CFAP46: variants seen among roughly 807,000 people sequenced by gnomAD.
The protein encoded by CFAP46 is cilia- and flagella-associated protein 46.
Under a neutral mutation model 325.7 loss-of-function variants are expected in CFAP46, and 245 were observed. The observed-to-expected ratio is 0.75, with a 90% CI of 0.68 to 0.84. The LOEUF is 0.84. CFAP46 is among the 40% of genes least tolerant of loss of function. The probability of loss-of-function intolerance (pLI) is 0.00; values close to 1 mark genes in which losing one functional copy is unlikely to be tolerated. For synonymous variants in CFAP46, 1,523 were observed against 1,495.9 expected (o/e 1.02, Z -0.42); for missense variants, 3,346 against 3,543.0 (o/e 0.94, Z 1.41).
At chr10:132,898,801 G>A (rs187111345) in intron 24 of CFAP46, 158 bp downstream of exon 24, 3 of 1,003,666 alleles carry the variant, frequency 3.0e-6, no homozygotes, top group South Asian at 1.4e-5. Flanking sequence ...CTGGGACTTG[G>A]AGACCCCCCT....
In CFAP46 at chr10:132,852,552, G is replaced by A. The variant is rs889980679; in HGVS notation, c.5575-1247C>T. On this transcript the variant is annotated intron_variant, in intron 39 of 57. Coordinates refer to ENST00000368586, the MANE Select transcript of CFAP46 (RefSeq NM_001200049.3). ...AGACATTCTCAGATCCTGACCCACA[G>A]ACGTGGTATGTTTCTCTATTTACTT... Among the ~76,000 whole-genome samples the A allele has an allele frequency of 2.0e-5, 3 of 152,138 alleles. No homozygotes were observed. The South Asian group carries it at 6.2e-4, about 32-fold the overall frequency.
In CFAP46 at chr10:132,827,629, TA is replaced by T. The variant is rs1848080084; in HGVS notation, c.7117+5728del. Among the ~76,000 whole-genome samples the T allele has an allele frequency of 2.0e-5, 3 of 152,116 alleles. No individual in the cohort carries two copies. The highest frequency in any genetic ancestry group is 2.0e-4 in the Admixed American group (3 of 15,286). On this transcript the variant is annotated intron_variant, in intron 50 of 57. Coordinates refer to ENST00000368586, the MANE Select transcript of CFAP46 (RefSeq NM_001200049.3). This position sits in a 1 kb window ranked among gnomAD's most constrained non-coding sequence, Gnocchi z 5.7. Reference sequence around the variant, plus strand: ...CTGACCACAGGGAGCTGCCTGCATTTAAAGTGAGCAACGTGACGGGACTGGA... The same window carrying T: ...CTGACCACAGGGAGCTGCCTGCATTTAAGTGAGCAACGTGACGGGACTGGA...
chr10:132,912,588 T>TTTCCC (rs59156892), intron 19 of CFAP46, 67 bp downstream of exon 19: 251 of 1,330,688 alleles, frequency 1.9e-4, no homozygotes, highest in Admixed American at 1.6e-3. Context: ...TCCTCTCCTC[T>TTTCCC]CTCTCTCTCC....
rs1848869045 is a variant in CFAP46, at chr10:132,869,627, C to T, written c.4512-255G>A. Reference sequence around the variant, plus strand: ...GGCATTATCTGTTGCCTCCTGGACGCCGTCCGAGGAGAAGAGGAGGCCCTC... The same window carrying T: ...GGCATTATCTGTTGCCTCCTGGACGTCGTCCGAGGAGAAGAGGAGGCCCTC... On this transcript the variant is annotated intron_variant, in intron 32 of 57. Coordinates refer to ENST00000368586, the MANE Select transcript of CFAP46 (RefSeq NM_001200049.3). This position sits in a 1 kb window ranked among gnomAD's most constrained non-coding sequence, Gnocchi z 6.2. Among the ~76,000 whole-genome samples, 1 of 152,172 alleles carries T rather than the reference C, an allele frequency of 6.6e-6. No homozygotes were observed. Among genetic ancestry groups the T allele is most frequent in the Non-Finnish European group, 1.5e-5 (1 of 68,028 alleles).
intron 50 of CFAP46, among the ~76,000 whole-genome samples, chr10:132,823,489 G>C (rs1847939714): frequency 7.7e-6 from 1 of 130,186 alleles, no homozygotes; most frequent in African/African-American, 3.0e-5. Flanking sequence ...TGTGTGCTGT[G>C]TGCTGATGTG....
At chr10:132,888,579 G>T (rs368655095) in intron 25 of CFAP46, among the ~76,000 whole-genome samples, 3 of 6,110 alleles carry the variant, frequency 4.9e-4, no homozygotes, top group South Asian at 7.7e-3. Context: ...CCTGCCGCCT[G>T]CACCCCTGCC....
chr10:132,919,214 C>A lies in CFAP46; in HGVS notation c.1858+101G>T, dbSNP rs552989639. 8.0e-6 allele frequency: 10 copies of A among 1,255,220 alleles called. No individual in the cohort carries two copies. Among genetic ancestry groups the A allele is most frequent in the South Asian group, 1.6e-5 (1 of 61,734 alleles). 77.8% of individuals were successfully genotyped at this position (1,255,220 alleles called of 1,614,324 possible). ...TGACTTAGCAATACGCTTTCTCATGCGAAGGCCCCATGGGTTGTCATTGCA... is the reference window on the plus strand; with the variant it reads ...TGACTTAGCAATACGCTTTCTCATGAGAAGGCCCCATGGGTTGTCATTGCA... On this transcript the variant is annotated intron_variant, in intron 15 of 57. Coordinates refer to ENST00000368586, the MANE Select transcript of CFAP46 (RefSeq NM_001200049.3). This position sits in a 1 kb window ranked among gnomAD's most constrained non-coding sequence, Gnocchi z 9.7.
intron 20 of CFAP46, 29 bp from the exon 21 acceptor site, chr10:132,909,273 A>G: frequency 1.9e-5 from 28 of 1,489,762 alleles, no homozygotes; most frequent in Non-Finnish European, 2.6e-5. Context: ...TGAGTGTATC[A>G]GCCCAAGCGT....
chr10:132,859,014 G>T, intron 38 of CFAP46, 57 bp downstream of exon 38: 1 of 1,502,476 alleles, frequency 6.7e-7, no homozygotes, highest in Non-Finnish European at 9.0e-7. Context: ...GGCGCTGGGC[G>T]TGTTGTGTGT....
At position 132,817,267 on chromosome 10, in the gene CFAP46, G is replaced by A. The variant is rs1847712816; in HGVS notation, c.7118-2353C>T. Among the ~76,000 whole-genome samples, 1 of 152,208 alleles carries A rather than the reference G, an allele frequency of 6.6e-6. No individual in the cohort carries two copies. ...GCTCTAAAGTCTGTTTCCTCTGAGAGTCAGACACCGGCCCTCCGGGTTACT... is the reference window on the plus strand; with the variant it reads ...GCTCTAAAGTCTGTTTCCTCTGAGAATCAGACACCGGCCCTCCGGGTTACT... On this transcript the variant is annotated intron_variant, in intron 50 of 57. Transcript: ENST00000368586. This position sits in a 1 kb window ranked among gnomAD's most constrained non-coding sequence, Gnocchi z 4.4.
chr10:132,846,788 C>T lies in CFAP46; in HGVS notation c.6267+144G>A, dbSNP rs141694103. The T allele has an allele frequency of 2.0e-4, 205 of 1,016,796 alleles. No individual in the cohort carries two copies. In the African/African-American group the frequency reaches 2.7e-3, roughly 14 times the overall value. The allele number at this position is 1,016,796 out of a possible 1,614,324, so 63.0% of individuals were successfully genotyped here. A position where few individuals can be genotyped will look rare whatever the true frequency, so the allele number is the denominator to read the frequency against. On this transcript the variant is annotated intron_variant, in intron 43 of 57. Coordinates refer to ENST00000368586, the MANE Select transcript of CFAP46 (RefSeq NM_001200049.3). The stretch of plus-strand genomic sequence containing the variant: ...TCTCTGAGCCACAAGTTTACGTGGC[C>T]GGCAGGCTCCCACTGCTTAAGGACC...
At chr10:132,819,865 G>C (rs1248978537) in intron 50 of CFAP46, among the ~76,000 whole-genome samples, 3 of 152,164 alleles carry the variant, frequency 2.0e-5, no homozygotes, top group African/African-American at 7.2e-5. Context: ...GAAATCATAA[G>C]CAACACAAGC....
At chr10:132,820,965 CTG>C (rs1294330167) in intron 50 of CFAP46, among the ~76,000 whole-genome samples, 11 of 75,746 alleles carry the variant, frequency 1.5e-4, no homozygotes, top group East Asian at 1.4e-3. Context: ...CTGATGTGTG[CTG>C]TGTGTGTGCT....
chr10:132,894,639 A>G (rs1849297609), intron 24 of CFAP46, among the ~76,000 whole-genome samples: 1 of 152,204 alleles, frequency 6.6e-6, no homozygotes, highest in Non-Finnish European at 1.5e-5. Context: ...AAGTGGAGAC[A>G]TTACTACCGA....
rs150890813 is a variant in CFAP46 at position 132,817,871 on chromosome 10, G to A, written c.7118-2957C>T. Reference sequence around the variant, plus strand: ...ATGGGGTCACTGGGTCACAGTGAACGGCGTCGGCCGCGCTCTGCCTGGAGG... The same window carrying A: ...ATGGGGTCACTGGGTCACAGTGAACAGCGTCGGCCGCGCTCTGCCTGGAGG... On this transcript the variant is annotated intron_variant, in intron 50 of 57. Transcript: ENST00000368586. The surrounding 1 kb of genome is among the most constrained non-coding windows in gnomAD (Gnocchi z 4.4). 2.7e-4 allele frequency among the ~76,000 whole-genome samples: 41 copies of A among 152,366 alleles called. No homozygotes were observed. The highest frequency in any genetic ancestry group is 3.4e-3 in the Middle Eastern group (1 of 294).
chr10:132,880,921 C>G lies in CFAP46; in HGVS notation c.3739G>C (p.Glu1247Gln). Residue 1247 changes from glutamate to glutamine, a missense_variant, in exon 28 of 58, where the codon GAG becomes CAG. Transcript: ENST00000368586. Reference sequence around the variant, plus strand: ...GGCGGCTTCATGGCCAGCAGGATCTCGACAGCCCAGCGGAGGTGGAAGACC... The same window carrying G: ...GGCGGCTTCATGGCCAGCAGGATCTGGACAGCCCAGCGGAGGTGGAAGACC... ...DVVFHLRWAV[E>Q]ILLAMKPPGD... The G allele has an allele frequency of 1.3e-6, 2 of 1,550,328 alleles. No homozygotes were observed. The highest frequency in any genetic ancestry group is 1.7e-6 in the Non-Finnish European group (2 of 1,146,910).
Position 132,922,460 on chromosome 10 carries a change from T to G in CFAP46, c.1485+20A>C. The G allele has an allele frequency of 1.3e-6, 2 of 1,521,356 alleles. No homozygotes were observed. The highest frequency in any genetic ancestry group is 1.2e-5 in the South Asian group (1 of 82,680). 94.2% of individuals were successfully genotyped at this position (1,521,356 alleles called of 1,614,324 possible). ...CTGGGGCTGCAGCACCCAGCCTCCC[T>G]CACTTCCCCGGGGCGGCACCTGCTC... On this transcript the variant is annotated intron_variant, in intron 12 of 57. Coordinates refer to ENST00000368586, the MANE Select transcript of CFAP46 (RefSeq NM_001200049.3).
chr10:132,832,796 T>C lies in CFAP46; in HGVS notation c.7117+562A>G. The C allele has an allele frequency of 2.1e-6, 1 of 471,204 alleles. No individual in the cohort carries two copies. The highest frequency in any genetic ancestry group is 1.5e-5 in the South Asian group (1 of 64,568). The allele number at this position is 471,204 out of a possible 1,614,324, so 29.2% of individuals were successfully genotyped here. On this transcript the variant is annotated intron_variant, in intron 50 of 57. Coordinates refer to ENST00000368586, the MANE Select transcript of CFAP46 (RefSeq NM_001200049.3). This position sits in a 1 kb window ranked among gnomAD's most constrained non-coding sequence, Gnocchi z 4.1. Reference sequence around the variant, plus strand: ...CCTTCCGCGCGCTCCCTCGTGCTTTTCACTGTCTGAGTGATTAACGGAGAG... The same window carrying C: ...CCTTCCGCGCGCTCCCTCGTGCTTTCCACTGTCTGAGTGATTAACGGAGAG...
chr10:132,830,773 C>T (rs1848135240), intron 50 of CFAP46, among the ~76,000 whole-genome samples: 1 of 152,128 alleles, frequency 6.6e-6, no homozygotes, highest in South Asian at 2.1e-4. Context: ...GTTTGTGTTT[C>T]TGTTTCCTGT....
Sources: allele counts gnomAD v4.1 joint callset (sites outside exome capture counted in the v4.1 genomes callset), GRCh38; gene constraint gnomAD v4.1.1; non-coding constraint Gnocchi (gnomAD v3.1); transcripts MANE v1.5; gene names NCBI Gene and HGNC (gene_info 2026-07-23, HGNC 2026-07-21).